The following KCTD5 variants were observed in gnomAD, a reference collection of about 807,000 sequenced individuals.
KCTD5 encodes the protein potassium channel tetramerization domain containing 5.
Under a neutral mutation model 27.9 loss-of-function variants are expected in KCTD5, and 12 were observed. The observed-to-expected ratio is 0.43, with a 90% CI of 0.28 to 0.70. The LOEUF is 0.70. Among genes scored for constraint, KCTD5 ranks in the 30% least tolerant of loss-of-function variants. KCTD5 has a pLI of 0.19. For missense variants in KCTD5, 226 were observed against 274.8 expected (o/e 0.82, Z 1.26); for synonymous variants, 147 against 121.4 (o/e 1.21, Z -1.39).
At chr16:2,684,018 C>A (rs576835887) in intron 1 of KCTD5, 1 of 150,532 alleles carries the variant, frequency 6.6e-6, no homozygotes, top group Non-Finnish European at 1.5e-5. Context: ...TGACCAAGCC[C>A]TCTACTCAGA....
chr16:2,706,753 CT>C (rs2067638265), intron 5 of KCTD5, among the ~76,000 whole-genome samples: 1 of 151,808 alleles, frequency 6.6e-6, no homozygotes, highest in African/African-American at 2.4e-5. Flanking sequence ...GTGATCTGCA[CT>C]TGGGGTAGGG....
intron 1 of KCTD5, among the ~76,000 whole-genome samples, chr16:2,693,400 A>T (rs1234410555): frequency 6.6e-6 from 1 of 152,218 alleles, no homozygotes; most frequent in Non-Finnish European, 1.5e-5. Flanking sequence ...CATCAGCCAC[A>T]AAAGCTGCCT....
chr16:2,690,341 G>T (rs1224385851), intron 1 of KCTD5, among the ~76,000 whole-genome samples: 2 of 152,202 alleles, frequency 1.3e-5, no homozygotes, highest in Non-Finnish European at 2.9e-5. Flanking sequence ...TGTCCTGCCC[G>T]GCCTACGTCC....
At chr16:2,688,500 C>T (rs1308472395) in intron 1 of KCTD5, among the ~76,000 whole-genome samples, 2 of 152,062 alleles carry the variant, frequency 1.3e-5, no homozygotes, top group Admixed American at 1.3e-4. Flanking sequence ...ATCCGCCCTC[C>T]TTGGCCTCCC....
At chr16:2,696,914 G>A (rs2067588676) in intron 2 of KCTD5, among the ~76,000 whole-genome samples, 1 of 152,256 alleles carries the variant, frequency 6.6e-6, no homozygotes, top group Non-Finnish European at 1.5e-5. Flanking sequence ...AGCCGCTTGT[G>A]TTGTCGTGGA....
intron 4 of KCTD5, among the ~76,000 whole-genome samples, 188 bp from the exon 5 acceptor site, chr16:2,702,165 G>A (rs1055817114): frequency 5.9e-5 from 9 of 152,234 alleles, no homozygotes; most frequent in African/African-American, 1.7e-4. Context: ...GCCATGCCAC[G>A]GCGTGGGGTG....
intron 5 of KCTD5, among the ~76,000 whole-genome samples, chr16:2,703,123 C>T (rs938486177): frequency 6.6e-6 from 1 of 152,186 alleles, no homozygotes; most frequent in Admixed American, 6.5e-5. Flanking sequence ...AATGCAGGGA[C>T]CCCTGCCTCG....
At chr16:2,705,646 G>A (rs1460504258) in intron 5 of KCTD5, among the ~76,000 whole-genome samples, 1 of 152,170 alleles carries the variant, frequency 6.6e-6, no homozygotes, top group Non-Finnish European at 1.5e-5. Context: ...GCCGTGTCCT[G>A]CAAGCCCCTC....
At position 2,707,356 on chromosome 16, in the gene KCTD5, G is replaced by T. The variant is rs1047800449; in HGVS notation, c.*29G>T. 6.2e-7 allele frequency: 1 copy of T among 1,612,306 alleles called. No individual in the cohort carries two copies. The stretch of plus-strand genomic sequence containing the variant: ...ACACAGTATTGACAGCTGAAGAAAT[G>T]ATTTACGTTTTCCCGAGATGTAATG... On this transcript the variant is annotated 3_prime_UTR_variant, in exon 6 of 6. Coordinates refer to ENST00000301738, the MANE Select transcript of KCTD5 (RefSeq NM_018992.4).
chr16:2,691,693 G>A (rs1338301027), intron 1 of KCTD5, among the ~76,000 whole-genome samples: 1 of 152,182 alleles, frequency 6.6e-6, no homozygotes, highest in Non-Finnish European at 1.5e-5. Context: ...GCGGCTGGCA[G>A]GTTCTTGGTA....
intron 5 of KCTD5, among the ~76,000 whole-genome samples, chr16:2,705,809 C>G (rs1272616243): frequency 6.6e-6 from 1 of 152,194 alleles, no homozygotes; most frequent in Non-Finnish European, 1.5e-5. Context: ...CAGGCTCTGT[C>G]TAGAGTAGCC....
At chr16:2,698,840 G>A (rs1203154589) in intron 3 of KCTD5, among the ~76,000 whole-genome samples, 1 of 152,198 alleles carries the variant, frequency 6.6e-6, no homozygotes, top group Admixed American at 6.5e-5. Flanking sequence ...CAGGAGCTGC[G>A]TCCCGCGCCC....
At chr16:2,702,168 G>A (rs766551471) in intron 4 of KCTD5, among the ~76,000 whole-genome samples, 185 bp from the exon 5 acceptor site, 1 of 152,232 alleles carries the variant, frequency 6.6e-6, no homozygotes, top group African/African-American at 2.4e-5. Flanking sequence ...ATGCCACGGC[G>A]TGGGGTGCCG....
chr16:2,691,026 GC>G (rs765219382), intron 1 of KCTD5, among the ~76,000 whole-genome samples: 4 of 152,232 alleles, frequency 2.6e-5, no homozygotes, highest in Non-Finnish European at 4.4e-5. Context: ...ACCACGAGTA[GC>G]CCCCGCACAC....
At chr16:2,706,706 G>T (rs2067637964) in intron 5 of KCTD5, among the ~76,000 whole-genome samples, 1 of 151,982 alleles carries the variant, frequency 6.6e-6, no homozygotes. Context: ...GCTCTGCAGG[G>T]CTGACGTGGT....
rs757478123 is a variant in KCTD5 at position 2,707,339 on chromosome 16, T to G, written c.*12T>G. 2 of 1,613,492 alleles carry G rather than the reference T, an allele frequency of 1.2e-6. No individual in the cohort carries two copies. Among genetic ancestry groups the G allele is most frequent in the Non-Finnish European group, 1.7e-6 (2 of 1,179,368 alleles). On this transcript the variant is annotated 3_prime_UTR_variant, in exon 6 of 6. Coordinates refer to ENST00000301738, the MANE Select transcript of KCTD5 (RefSeq NM_018992.4). ...GCTCAAGGATGTGAGGGACACAGTA[T>G]TGACAGCTGAAGAAATGATTTACGT...
At chr16:2,702,266 G>A in intron 4 of KCTD5, 87 bp from the exon 5 acceptor site, 1 of 1,540,054 alleles carries the variant, frequency 6.5e-7, no homozygotes, top group Non-Finnish European at 8.9e-7. Context: ...TTTCGCGGTG[G>A]CAGGCGCGTC....
At chr16:2,688,251 T>A (rs200585517) in intron 1 of KCTD5, among the ~76,000 whole-genome samples, 7,085 of 113,366 alleles carry the variant, frequency 0.062, 409 homozygotes, top group African/African-American at 0.16. Context: ...ATATATTTAT[T>A]TATTTATTTA....
At chr16:2,688,224 A>ATATATATATATAT (rs1567193086) in intron 1 of KCTD5, among the ~76,000 whole-genome samples, 78 of 79,344 alleles carry the variant, frequency 9.8e-4, no homozygotes, top group African/African-American at 3.7e-3. Flanking sequence ...TAAATAAATA[A>ATATATATATATAT]ATAAATATAT....
Sources: allele counts gnomAD v4.1 joint callset (sites outside exome capture counted in the v4.1 genomes callset), GRCh38; gene constraint gnomAD v4.1.1; transcripts MANE v1.5; gene names NCBI Gene and HGNC (gene_info 2026-07-23, HGNC 2026-07-21).